Variants in STRN observed in about 807,000 individuals in gnomAD.
STRN encodes striatin, also known as protein phosphatase 2 regulatory subunit B'''alpha.
STRN carries 53 observed loss-of-function variants against 96.3 expected under a neutral mutation model. That is an observed-to-expected ratio of 0.55 (90% CI 0.44 to 0.69). The LOEUF is 0.69. STRN is among the 30% of genes least tolerant of loss of function. The pLI, the probability that STRN is intolerant of heterozygous loss-of-function variation, is 0.00. For synonymous variants in STRN, 428 were observed against 355.9 expected (o/e 1.20, Z -2.28); for missense variants, 987 against 963.9 (o/e 1.02, Z -0.32).
At chr2:36,870,793 T>A (rs1163045294) in intron 10 of STRN, among the ~76,000 whole-genome samples, 1 of 152,180 alleles carries the variant, frequency 6.6e-6, no homozygotes, top group Non-Finnish European at 1.5e-5. Context: ...GTAAAACAGC[T>A]TTAGACAGGT....
intron 10 of STRN, among the ~76,000 whole-genome samples, chr2:36,871,970 G>A (rs1245063932): frequency 1.3e-5 from 2 of 152,154 alleles, no homozygotes; most frequent in African/African-American, 4.8e-5. Flanking sequence ...TACTGGGGCT[G>A]GTTATTCTGG....
intron 1 of STRN, among the ~76,000 whole-genome samples, chr2:36,946,710 A>C (rs1222834408): frequency 5.3e-5 from 8 of 152,202 alleles, no homozygotes; most frequent in Non-Finnish European, 1.0e-4. Flanking sequence ...TTGTATATAC[A>C]TGTATTTTTA....
intron 1 of STRN, among the ~76,000 whole-genome samples, chr2:36,927,524 AG>A (rs3080759): frequency 0.24 from 19,007 of 79,482 alleles, 1,773 homozygotes; most frequent in African/African-American, 0.34. Context: ...AACAAAAAAA[AG>A]GGGGGGGGGG....
chr2:36,930,216 G>A (rs995128382), intron 1 of STRN, among the ~76,000 whole-genome samples: 2 of 152,078 alleles, frequency 1.3e-5, no homozygotes. Context: ...TGGATCACCT[G>A]AGGTCAGGAG....
chr2:36,964,628 T>C (rs181438997), intron 1 of STRN, among the ~76,000 whole-genome samples: 21 of 152,302 alleles, frequency 1.4e-4, no homozygotes, highest in East Asian at 1.3e-3. Context: ...AAGGAAATCA[T>C]AGAAACTACT....
Position 36,886,967 on chromosome 2 carries a change from A to G in STRN, c.932-141T>C, listed in dbSNP as rs542369218. 1.6e-5 allele frequency: 9 copies of G among 559,642 alleles called. No homozygotes were observed. In the East Asian group the frequency reaches 1.9e-4, roughly 12 times the overall value. The allele number at this position is 559,642 out of a possible 1,614,324, so 34.7% of individuals were successfully genotyped here. ...AAGTCAGTTTATTCATTTTATATAT[A>G]TAAGTCACACAAAAAAATATAATCA... is the stretch of plus-strand genomic sequence containing the variant. On this transcript the variant is annotated intron_variant, in intron 7 of 17. Coordinates refer to ENST00000263918, the MANE Select transcript of STRN (RefSeq NM_003162.4).
intron 12 of STRN, among the ~76,000 whole-genome samples, chr2:36,866,576 C>T (rs886728802): frequency 1.3e-5 from 2 of 152,140 alleles, no homozygotes; most frequent in African/African-American, 4.8e-5. Context: ...GCATCAAGTT[C>T]AGGTCCCGAA....
chr2:36,893,964 C>A lies in STRN; in HGVS notation c.865G>T (p.Asp289Tyr). 1 of 1,613,646 alleles carries A rather than the reference C, an allele frequency of 6.2e-7. No homozygotes were observed. The highest frequency in any genetic ancestry group is 1.1e-5 in the South Asian group (1 of 91,012). The change falls in exon 7 of 18, where the codon GAC (aspartate) becomes TAC (tyrosine). Residue 289 changes from aspartate to tyrosine, a missense_variant. Coordinates refer to ENST00000263918, the MANE Select transcript of STRN (RefSeq NM_003162.4). ...CCTTCCTCTGATGTAACCAAGAAGT[C>A]AAACTCCTTTAGAGCTTCTTTTGTA... Reference protein sequence around the residue: ...RDTKEALKEFDFLVTSEEGDN... With the variant: ...RDTKEALKEFYFLVTSEEGDN...
intron 1 of STRN, among the ~76,000 whole-genome samples, chr2:36,957,742 G>T (rs369053915): frequency 7.4e-4 from 76 of 103,052 alleles, no homozygotes; most frequent in South Asian, 2.2e-3. Context: ...TCTTCTTTTT[G>T]TCTTTTTTTT....
In STRN at chr2:36,842,223, A is replaced by G. The variant is rs1255852799; in HGVS notation, c.*7233T>C. The G allele has an allele frequency of 6.6e-6, 1 of 152,132 alleles. No individual in the cohort carries two copies. The highest frequency in any genetic ancestry group is 2.4e-5 in the African/African-American group (1 of 41,430). 9.4% of individuals were successfully genotyped at this position (152,132 alleles called of 1,614,324 possible). On this transcript the variant is annotated 3_prime_UTR_variant, in exon 18 of 18. Transcript: ENST00000263918. ...TTTTCTTAAAGTTTTCAGTTTGGGC[A>G]TATTTAATTGTGGATGATGGGTTTC...
intron 11 of STRN, among the ~76,000 whole-genome samples, chr2:36,868,621 T>G (rs1668687373): frequency 6.6e-6 from 1 of 152,200 alleles, no homozygotes; most frequent in South Asian, 2.1e-4. Context: ...AAACACCTAA[T>G]CTATGTGAAA....
At position 36,925,088 on chromosome 2, in the gene STRN, T is replaced by C. The variant is rs763003066; in HGVS notation, c.338+17A>G. ...AATAAACAAAAAAGAACACCACTTTTCATTTTACTGAATTACCTTTCCTGT... is the reference window on the plus strand; with the variant it reads ...AATAAACAAAAAAGAACACCACTTTCCATTTTACTGAATTACCTTTCCTGT... On this transcript the variant is annotated intron_variant, in intron 2 of 17. Transcript: ENST00000263918. 1 of 1,595,000 alleles carries C rather than the reference T, an allele frequency of 6.3e-7. No homozygotes were observed. The highest frequency in any genetic ancestry group is 8.6e-7 in the Non-Finnish European group (1 of 1,164,604).
At chr2:36,895,410 T>C (rs1037424941) in intron 6 of STRN, among the ~76,000 whole-genome samples, 16 of 152,110 alleles carry the variant, frequency 1.1e-4, no homozygotes, top group African/African-American at 3.9e-4. Flanking sequence ...ATTTGGGATA[T>C]TTTCCTAAAA....
intron 10 of STRN, among the ~76,000 whole-genome samples, chr2:36,876,826 C>A (rs539855560): frequency 1.4e-3 from 214 of 151,712 alleles, no homozygotes; most frequent in African/African-American, 4.9e-3. Context: ...TGGCTCACTG[C>A]AAGCTCTACC....
chr2:36,936,104 C>T (rs957568118), intron 1 of STRN, among the ~76,000 whole-genome samples: 2 of 152,016 alleles, frequency 1.3e-5, no homozygotes, highest in African/African-American at 2.4e-5. Context: ...ACTTATGATG[C>T]CTAATCCCCT....
chr2:36,935,680 C>A (rs774370425), intron 1 of STRN, among the ~76,000 whole-genome samples: 26 of 152,282 alleles, frequency 1.7e-4, no homozygotes, highest in Admixed American at 5.2e-4. Context: ...TATAAATCTG[C>A]TGAGGACAAC....
Position 36,843,033 on chromosome 2 carries a change from A to C in STRN, c.*6423T>G, listed in dbSNP as rs765520542. Among the ~76,000 whole-genome samples the C allele has an allele frequency of 6.6e-6, 1 of 152,190 alleles. No individual in the cohort carries two copies. The highest frequency in any genetic ancestry group is 2.4e-5 in the African/African-American group (1 of 41,458). ...TACCTGGCAATCTTAGGCTGACCCC[A>C]GGAGGTTCATCAATCCGTGAATAAT... is the stretch of plus-strand genomic sequence containing the variant. On this transcript the variant is annotated 3_prime_UTR_variant, in exon 18 of 18. Transcript: ENST00000263918.
intron 2 of STRN, among the ~76,000 whole-genome samples, chr2:36,923,863 G>C (rs576191564): frequency 6.6e-6 from 1 of 151,740 alleles, no homozygotes; most frequent in African/African-American, 2.4e-5. Context: ...TCAGATTGTC[G>C]ACAAAAAAAT....
chr2:36,940,836 CAAAAAAAAAAAA>C (rs56996485), intron 1 of STRN, among the ~76,000 whole-genome samples: 11 of 46,556 alleles, frequency 2.4e-4, no homozygotes, highest in African/African-American at 3.0e-4. Context: ...GACTCTGTCT[CAAAAAAAAAAAA>C]AAAAAAAAAA....
Sources: gnomAD v4.1 joint callset for allele counts (sites outside exome capture counted in the v4.1 genomes callset) on GRCh38, gnomAD v4.1.1 for gene constraint, MANE v1.5 for transcripts, NCBI Gene and HGNC (gene_info 2026-07-23, HGNC 2026-07-21) for gene names.